Variants in KANSL1L observed in about 807,000 individuals in gnomAD.
The protein encoded by KANSL1L is KAT8 regulatory NSL complex subunit 1 like.
Under a neutral mutation model 108.6 loss-of-function variants are expected in KANSL1L, and 25 were observed. The observed-to-expected ratio is 0.23, with a 90% CI of 0.17 to 0.32. The LOEUF (loss-of-function observed/expected upper bound fraction) is 0.32. Ranked by LOEUF, KANSL1L falls within the 10% of genes least tolerant of loss-of-function variation. KANSL1L has a pLI of 1.00. For synonymous variants in KANSL1L, 405 were observed against 395.1 expected (o/e 1.03, Z -0.30); for missense variants, 1,137 against 1,125.7 (o/e 1.01, Z -0.14).
chr2:210,150,403 T>C (rs1016743719), intron 2 of KANSL1L, among the ~76,000 whole-genome samples: 1 of 152,212 alleles, frequency 6.6e-6, no homozygotes, highest in African/African-American at 2.4e-5. Context: ...TTTCTAAACT[T>C]AGTGTTTCCT....
intron 2 of KANSL1L, among the ~76,000 whole-genome samples, chr2:210,142,320 A>G (rs945242084): frequency 2.0e-5 from 3 of 151,868 alleles, no homozygotes; most frequent in Non-Finnish European, 4.4e-5. Context: ...ATGATCCATT[A>G]TATTTCTGTG....
chr2:210,035,083 C>CT (rs1355161024), intron 8 of KANSL1L: 2 of 152,152 alleles, frequency 1.3e-5, no homozygotes, highest in Non-Finnish European at 2.9e-5. Context: ...ATTAGCTAAT[C>CT]TATAGACCTT....
intron 4 of KANSL1L, among the ~76,000 whole-genome samples, chr2:210,102,578 G>A (rs1035065187): frequency 6.6e-6 from 1 of 152,002 alleles, no homozygotes; most frequent in Non-Finnish European, 1.5e-5. Flanking sequence ...CTGACAAAGG[G>A]CTAATATCCA....
rs998961249 is a variant in KANSL1L, at chr2:210,171,385, G to C, written c.-266C>G. ...GCTGCCCGCAGCTCCGTGCGGCTCG[G>C]GGGGACGGAACCCTGCCGCGGTCTG... On this transcript the variant is annotated 5_prime_UTR_variant, in exon 1 of 15. Coordinates refer to ENST00000281772, the MANE Select transcript of KANSL1L (RefSeq NM_152519.4). 3.5e-5 allele frequency: 6 copies of C among 170,466 alleles called. 1 individual carries two copies. Among genetic ancestry groups the C allele is most frequent in the Non-Finnish European group, 6.1e-5 (5 of 82,394 alleles). The allele number at this position is 170,466 out of a possible 1,614,324, so 10.6% of individuals were successfully genotyped here.
At chr2:210,155,932 A>C (rs1432985206) in intron 1 of KANSL1L, among the ~76,000 whole-genome samples, 1 of 152,162 alleles carries the variant, frequency 6.6e-6, no homozygotes, top group African/African-American at 2.4e-5. Flanking sequence ...ACAAAACCAA[A>C]AGCTGATTCT....
chr2:210,051,967 C>G (rs1025519215), intron 6 of KANSL1L, among the ~76,000 whole-genome samples: 3 of 146,972 alleles, frequency 2.0e-5, no homozygotes, highest in African/African-American at 7.5e-5. Context: ...TTAATTATAG[C>G]TATTTTATTT....
intron 5 of KANSL1L, chr2:210,097,392 G>T: frequency 2.7e-6 from 2 of 752,806 alleles, no homozygotes. Flanking sequence ...TTAAAGCAAA[G>T]AAGCCAACAT....
intron 6 of KANSL1L, among the ~76,000 whole-genome samples, chr2:210,052,001 CTTTTT>C (rs546815241): frequency 3.0e-5 from 4 of 134,394 alleles, no homozygotes; most frequent in Admixed American, 7.5e-5. Context: ...TTCTTCTTTC[CTTTTT>C]TTTTTTTTTT....
In KANSL1L at chr2:210,044,533, T is replaced by G. The variant is rs1485356479; in HGVS notation, c.1756-429A>C. On this transcript the variant is annotated intron_variant, in intron 6 of 14. Transcript: ENST00000281772. This position sits in a 1 kb window ranked among gnomAD's most constrained non-coding sequence, Gnocchi z 4.2. ...GAGACATATGTGTTTTGTTCCTGAT[T>G]GTAATGGGAATGCTTTTAATTTATC... 2.0e-5 allele frequency among the ~76,000 whole-genome samples: 3 copies of G among 152,046 alleles called. No individual in the cohort carries two copies. The highest frequency in any genetic ancestry group is 4.4e-5 in the Non-Finnish European group (3 of 68,020).
At chr2:210,141,643 A>C (rs370935500) in intron 2 of KANSL1L, among the ~76,000 whole-genome samples, 6 of 152,260 alleles carry the variant, frequency 3.9e-5, no homozygotes, top group Admixed American at 1.3e-4. Flanking sequence ...CAATAGCCCA[A>C]GCAGATGAAA....
chr2:210,154,080 A>G lies in KANSL1L; in HGVS notation c.503T>C (p.Leu168Pro), dbSNP rs752025826. The change falls in exon 2 of 15, where the codon CTA becomes CCA. Residue 168 changes from leucine to proline, a missense_variant. By Grantham distance (98) the Leu-to-Pro change is moderately conservative (BLOSUM62 -3). Coordinates refer to ENST00000281772, the MANE Select transcript of KANSL1L (RefSeq NM_152519.4). ...TKDTNVDKVQ[L>P]QNCKWYQENA... ...CTCTTGATACCATTTACAGTTTTGT[A>G]GTTGTACTTTATCTACATTAGTGTC... 5.6e-6 allele frequency: 9 copies of G among 1,613,396 alleles called. No homozygotes were observed. Among genetic ancestry groups the G allele is most frequent in the Non-Finnish European group, 8.5e-7 (1 of 1,179,618 alleles).
At chr2:210,172,595 G>T (rs1281365938), upstream of KANSL1L, among the ~76,000 whole-genome samples, 1 of 152,100 alleles carries the variant, frequency 6.6e-6, no homozygotes, top group Admixed American at 6.5e-5. Flanking sequence ...TCGATATGGG[G>T]CAAGGGAAGA....
Position 210,075,595 on chromosome 2 carries a change from C to G in KANSL1L, c.1712G>C (p.Arg571Pro). Residue 571 changes from arginine to proline, a missense_variant, in exon 6 of 15, where the codon CGA becomes CCA. Around this residue, in one of 3 missense-constraint regions of KANSL1L, gnomAD observed 575 missense variants for 567.1 expected, o/e 1.01. Coordinates refer to ENST00000281772, the MANE Select transcript of KANSL1L (RefSeq NM_152519.4). The stretch of plus-strand genomic sequence containing the variant: ...AGTAGGGCTCAATCTGTACAGTTTT[C>G]GTTTGTGGAAACTCTGAAGTGGCCT... ...RTRPLQSFHKRKLYRLSPTFY... is the reference protein window; with the variant it reads ...RTRPLQSFHKPKLYRLSPTFY... 6.2e-7 allele frequency: 1 copy of G among 1,614,090 alleles called. No individual in the cohort carries two copies. Among genetic ancestry groups the G allele is most frequent in the Non-Finnish European group, 8.5e-7 (1 of 1,179,996 alleles).
Position 210,022,855 on chromosome 2 carries a change from T to A in KANSL1L, c.*94A>T. ...ATAAAAGATTAATACATGCAGAACA[T>A]GCTCTTATTCTGGAGGGGATGGGGG... is the stretch of plus-strand genomic sequence containing the variant. On this transcript the variant is annotated 3_prime_UTR_variant, in exon 15 of 15. Transcript: ENST00000281772. The A allele has an allele frequency of 1.2e-6, 1 of 809,604 alleles. No homozygotes were observed. The highest frequency in any genetic ancestry group is 2.0e-6 in the Non-Finnish European group (1 of 492,512). The allele number at this position is 809,604 out of a possible 1,614,324, so 50.2% of individuals were successfully genotyped here. A position where few individuals can be genotyped will look rare whatever the true frequency, so the allele number is the denominator to read the frequency against.
chr2:210,070,523 C>T (rs1180467111), intron 6 of KANSL1L, among the ~76,000 whole-genome samples: 2 of 152,280 alleles, frequency 1.3e-5, no homozygotes, highest in East Asian at 1.9e-4. Context: ...AGCCACTGCG[C>T]CCAGCCCTCT....
At chr2:210,161,020 ACT>A (rs1298903710) in intron 1 of KANSL1L, among the ~76,000 whole-genome samples, 2 of 132,196 alleles carry the variant, frequency 1.5e-5, no homozygotes, top group African/African-American at 2.9e-5. Context: ...ACGGAGTTTC[ACT>A]CTGTCGCCCA....
intron 3 of KANSL1L, among the ~76,000 whole-genome samples, chr2:210,121,292 A>G (rs1446124889): frequency 2.0e-5 from 3 of 152,250 alleles, no homozygotes; most frequent in African/African-American, 7.2e-5. Flanking sequence ...TGGTACACAT[A>G]CACCATGGAA....
At chr2:210,151,668 A>C (rs1478261893) in intron 2 of KANSL1L, 1 of 152,160 alleles carries the variant, frequency 6.6e-6, no homozygotes, top group African/African-American at 2.4e-5. Flanking sequence ...GTTTCTTCTT[A>C]AGTGAAATAA....
intron 6 of KANSL1L, among the ~76,000 whole-genome samples, chr2:210,055,760 G>C (rs1390738217): frequency 6.6e-6 from 1 of 152,194 alleles, no homozygotes; most frequent in Non-Finnish European, 1.5e-5. Flanking sequence ...AGATGATCTA[G>C]AGTATCTGGT....
Sources: allele counts gnomAD v4.1 joint callset (sites outside exome capture counted in the v4.1 genomes callset), GRCh38; gene constraint gnomAD v4.1.1; regional missense constraint gnomAD v4.1.1; non-coding constraint Gnocchi (gnomAD v3.1); transcripts MANE v1.5; gene names NCBI Gene and HGNC (gene_info 2026-07-23, HGNC 2026-07-21).